COQ8A: variants seen among roughly 807,000 people sequenced by gnomAD.
COQ8A encodes the protein atypical kinase COQ8A, mitochondrial.
A neutral mutation model predicts 65.0 loss-of-function variants in COQ8A; 51 were observed. The observed-to-expected ratio is 0.78, with a 90% CI of 0.63 to 0.99. COQ8A has a LOEUF of 0.99. Among genes scored for constraint, COQ8A ranks in the 50% least tolerant of loss-of-function variants. The pLI, the probability that COQ8A is intolerant of heterozygous loss-of-function variation, is 0.00. For missense variants in COQ8A, 940 were observed against 875.0 expected (o/e 1.07, Z -0.94); for synonymous variants, 371 against 353.2 (o/e 1.05, Z -0.57).
chr1:226,986,136 T>C (rs545607932), intron 14 of COQ8A, among the ~76,000 whole-genome samples: 1 of 152,176 alleles, frequency 6.6e-6, no homozygotes, highest in African/African-American at 2.4e-5. Flanking sequence ...CCCTGCCAGC[T>C]TAGGCCCACG....
intron 11 of COQ8A, 94 bp from the exon 12 acceptor site, chr1:226,984,454 G>T (rs1659947701): frequency 4.5e-6 from 6 of 1,348,230 alleles, no homozygotes; most frequent in Non-Finnish European, 3.2e-6. Flanking sequence ...GGTAGGGTGG[G>T]TAAAACAGGA....
At chr1:226,975,511 AATG>A (rs1247180625) in intron 4 of COQ8A, among the ~76,000 whole-genome samples, 2 of 152,264 alleles carry the variant, frequency 1.3e-5, no homozygotes, top group Non-Finnish European at 2.9e-5. Flanking sequence ...TACTTGTTGA[AATG>A]ATAACATTTT....
At position 226,946,604 on chromosome 1, in the gene COQ8A, C is replaced by T. The variant is rs1232444924; in HGVS notation, c.-10+6205C>T. On this transcript the variant is annotated intron_variant, in intron 1 of 14. Transcript: ENST00000366777. The surrounding 1 kb of genome is among the most constrained non-coding windows in gnomAD (Gnocchi z 5.3). ...CCCTGCTGAGCCTCTTCTCATTTCT[C>T]GTTGCGTGTGTGGTTGTTGTCTGTC... 2.0e-5 allele frequency among the ~76,000 whole-genome samples: 3 copies of T among 152,182 alleles called. No individual in the cohort carries two copies. Among genetic ancestry groups the T allele is most frequent in the Admixed American group, 6.5e-5 (1 of 15,286 alleles).
chr1:226,964,973 C>G lies in COQ8A; in HGVS notation c.178-27C>G, dbSNP rs1434005343. The G allele has an allele frequency of 2.5e-6, 4 of 1,612,894 alleles. No individual in the cohort carries two copies. The African/African-American group carries it at 4.0e-5, about 16-fold the overall frequency. On this transcript the variant is annotated intron_variant, in intron 2 of 14. Transcript: ENST00000366777. ...GGAGCTCCTGGCTCGCTCTTGCTCT[C>G]CTAATGCTGGCCTTTGCTCCCTGCA...
intron 10 of COQ8A, 61 bp from the exon 11 acceptor site, chr1:226,984,033 G>A (rs1558208098): frequency 1.6e-5 from 24 of 1,473,752 alleles, no homozygotes; most frequent in South Asian, 2.3e-5. Context: ...GGGGGTGTGT[G>A]TGGGGGGGGG....
intron 1 of COQ8A, among the ~76,000 whole-genome samples, chr1:226,951,327 G>A (rs1657367100): frequency 6.6e-6 from 1 of 152,242 alleles, no homozygotes; most frequent in African/African-American, 2.4e-5. Context: ...GAATGCGGGT[G>A]TCTGCAGTTA....
intron 4 of COQ8A, among the ~76,000 whole-genome samples, 198 bp from the exon 5 acceptor site, chr1:226,977,251 T>C (rs1341471799): frequency 6.6e-6 from 1 of 152,216 alleles, no homozygotes; most frequent in Non-Finnish European, 1.5e-5. Context: ...CTGAAACACC[T>C]ACCTCGAGCC....
chr1:226,962,797 G>A (rs1427003304), intron 2 of COQ8A, among the ~76,000 whole-genome samples: 2 of 152,302 alleles, frequency 1.3e-5, no homozygotes, highest in East Asian at 1.9e-4. Flanking sequence ...GCTCTCCCCC[G>A]AGCCTCACCA....
intron 1 of COQ8A, among the ~76,000 whole-genome samples, chr1:226,943,740 T>G (rs1035446961): frequency 3.3e-5 from 5 of 152,194 alleles, no homozygotes; most frequent in African/African-American, 7.2e-5. Flanking sequence ...TCCTTCTTAG[T>G]GTGCAGTTCT....
In COQ8A at chr1:226,949,012, G is replaced by A. The variant is rs761265864; in HGVS notation, c.-10+8613G>A. On this transcript the variant is annotated intron_variant, in intron 1 of 14. Transcript: ENST00000366777. The surrounding 1 kb of genome is among the most constrained non-coding windows in gnomAD (Gnocchi z 4.0). ...AGAGGAAACAGGTCAGAGATGGTTC[G>A]AGAATATGCCTGGAGCAGCCCAGCT... is the stretch of plus-strand genomic sequence containing the variant. Among the ~76,000 whole-genome samples the A allele has an allele frequency of 2.6e-5, 4 of 152,216 alleles. No individual in the cohort carries two copies. Among genetic ancestry groups the A allele is most frequent in the South Asian group, 2.1e-4 (1 of 4,818 alleles).
At position 226,985,315 on chromosome 1, in the gene COQ8A, A is replaced by T; in HGVS notation, c.1634A>T (p.Lys545Met). Residue 545 changes from lysine to methionine, a missense_variant, in exon 14 of 15, where the codon AAG (lysine) becomes ATG (methionine). Transcript: ENST00000366777. ...GTGCGGGCGAAATCCATAGAGATGAAGTTCCTCACCGGCTACGAGGTCAAG... is the reference window on the plus strand; with the variant it reads ...GTGCGGGCGAAATCCATAGAGATGATGTTCCTCACCGGCTACGAGGTCAAG... The part of the protein sequence containing the change: ...ETVRAKSIEM[K>M]FLTGYEVKVM... 6.2e-7 allele frequency: 1 copy of T among 1,613,778 alleles called. No individual in the cohort carries two copies. The highest frequency in any genetic ancestry group is 8.5e-7 in the Non-Finnish European group (1 of 1,180,020).
Position 226,961,478 on chromosome 1 carries a change from C to T in COQ8A, c.93C>T (p.Gly31=). The change falls in exon 2 of 15, where the codon GGC becomes GGT. Residue 31 remains glycine (G), a synonymous_variant. Transcript: ENST00000366777. ...TGGAAACCCACCTGCAGCACTTGGG[C>T]ATCGGAGGGGAGCTGATCATGGCGG... The part of the protein sequence containing the change: ...AAVETHLQHL[G]IGGELIMAAR... 2 of 1,613,902 alleles carry T rather than the reference C, an allele frequency of 1.2e-6. No individual in the cohort carries two copies. Among genetic ancestry groups the T allele is most frequent in the South Asian group, 2.2e-5 (2 of 91,092 alleles).
intron 4 of COQ8A, among the ~76,000 whole-genome samples, chr1:226,971,333 A>T (rs1658899098): frequency 6.6e-6 from 1 of 152,044 alleles, no homozygotes; most frequent in Non-Finnish European, 1.5e-5. Flanking sequence ...TGGGTGGATC[A>T]TGAGGTCAAG....
At chr1:226,978,058 G>A (rs576749242) in intron 5 of COQ8A, among the ~76,000 whole-genome samples, 77 of 97,808 alleles carry the variant, frequency 7.9e-4, no homozygotes, top group African/African-American at 3.0e-3. Context: ...CACACCCACC[G>A]AACACCCGCA....
intron 1 of COQ8A, among the ~76,000 whole-genome samples, chr1:226,942,671 G>A (rs1656776036): frequency 6.6e-6 from 1 of 152,204 alleles, no homozygotes; most frequent in African/African-American, 2.4e-5. Flanking sequence ...GGGAGTGAGT[G>A]GCTGGGTGCA....
intron 1 of COQ8A, among the ~76,000 whole-genome samples, chr1:226,956,959 C>A (rs962773775): frequency 1.5e-5 from 2 of 131,932 alleles, no homozygotes; most frequent in East Asian, 5.0e-4. Flanking sequence ...CTGGTTCACA[C>A]TCTCCCTGGC....
At position 226,961,431 on chromosome 1, in the gene COQ8A, G is replaced by A. The variant is rs1658245367; in HGVS notation, c.46G>A (p.Val16Ile). The A allele has an allele frequency of 5.6e-6, 9 of 1,613,718 alleles. No homozygotes were observed. The highest frequency in any genetic ancestry group is 3.3e-5 in the Admixed American group (2 of 60,010). ...GDTIMVAKGL[V>I]KLTQAAVETH... Reference sequence around the variant, plus strand: ...CACCATCATGGTGGCTAAAGGCCTTGTCAAGCTGACCCAGGCGGCCGTGGA... The same window carrying A: ...CACCATCATGGTGGCTAAAGGCCTTATCAAGCTGACCCAGGCGGCCGTGGA... The change falls in exon 2 of 15, where the codon GTC (valine) becomes ATC (isoleucine). Residue 16 changes from valine (V) to isoleucine (I), a missense_variant. Val to Ile is a conservative substitution (Grantham distance 29). Coordinates refer to ENST00000366777, the MANE Select transcript of COQ8A (RefSeq NM_020247.5).
intron 4 of COQ8A, among the ~76,000 whole-genome samples, chr1:226,966,362 G>A (rs769081732): frequency 9.2e-5 from 14 of 152,186 alleles, no homozygotes; most frequent in Non-Finnish European, 2.1e-4. Context: ...TATAGTGAAG[G>A]TTTATAGCAG....
intron 2 of COQ8A, among the ~76,000 whole-genome samples, chr1:226,964,624 C>T (rs1467535288): frequency 6.9e-6 from 1 of 145,148 alleles, no homozygotes; most frequent in South Asian, 2.1e-4. Context: ...GTGTTCACCT[C>T]TCAGAGCTTT....
Sources: allele counts gnomAD v4.1 joint callset (sites outside exome capture counted in the v4.1 genomes callset), GRCh38; gene constraint gnomAD v4.1.1; non-coding constraint Gnocchi (gnomAD v3.1); transcripts MANE v1.5; gene names NCBI Gene and HGNC (gene_info 2026-07-23, HGNC 2026-07-21).